The following APBA2 variants were observed in gnomAD, a reference collection of about 807,000 sequenced individuals.
APBA2 encodes the protein amyloid-beta A4 precursor protein-binding family A member 2.
A neutral mutation model predicts 75.0 loss-of-function variants in APBA2; 30 were observed. The ratio of observed to expected loss-of-function variants is 0.40; its 90% CI spans 0.30 to 0.54. APBA2 has a LOEUF of 0.54. APBA2 is among the 20% of genes least tolerant of loss of function. The pLI is 0.49. For synonymous variants in APBA2, 444 were observed against 409.6 expected, an observed-to-expected ratio of 1.08 and a Z score of -1.01; for missense variants, 801 against 1,016.1, an observed-to-expected ratio of 0.79 and a Z score of 2.88.
chr15:29,036,953 G>T (rs1008006648), intron 3 of APBA2, among the ~76,000 whole-genome samples: 27 of 151,894 alleles, frequency 1.8e-4, no homozygotes, highest in African/African-American at 6.5e-4. Context: ...CTGGGAGGTG[G>T]AGGTTGCAGT....
At chr15:29,038,406 G>A (rs1323118749) in intron 3 of APBA2, among the ~76,000 whole-genome samples, 4 of 152,174 alleles carry the variant, frequency 2.6e-5, no homozygotes, top group Admixed American at 2.0e-4. Flanking sequence ...TCCTTGAATG[G>A]TTAGCTTTTG....
intron 1 of APBA2, among the ~76,000 whole-genome samples, chr15:28,903,199 T>G (rs1320771000): frequency 6.6e-6 from 1 of 152,206 alleles, no homozygotes; most frequent in Non-Finnish European, 1.5e-5. Context: ...GAATATGTCC[T>G]GTGATACTTG....
chr15:29,076,631 G>A (rs2042864621), intron 6 of APBA2, among the ~76,000 whole-genome samples: 1 of 152,068 alleles, frequency 6.6e-6, no homozygotes, highest in South Asian at 2.1e-4. Context: ...ACCTTGCAGG[G>A]CCCCTGTAGG....
At chr15:29,092,876 T>C (rs1337799165) in intron 6 of APBA2, among the ~76,000 whole-genome samples, 199 bp from the exon 7 acceptor site, 1 of 152,332 alleles carries the variant, frequency 6.6e-6, no homozygotes, top group Non-Finnish European at 1.5e-5. Flanking sequence ...AGTGTTGATT[T>C]CGCGCAGTTA....
intron 2 of APBA2, among the ~76,000 whole-genome samples, chr15:28,974,978 T>C (rs1481343557): frequency 6.6e-6 from 1 of 151,872 alleles, no homozygotes; most frequent in Non-Finnish European, 1.5e-5. Flanking sequence ...AGAAAAAGAA[T>C]CAAGTGGACA....
chr15:28,931,943 G>A (rs2034586276), intron 2 of APBA2, among the ~76,000 whole-genome samples: 1 of 152,216 alleles, frequency 6.6e-6, no homozygotes, highest in Admixed American at 6.5e-5. Flanking sequence ...TGGCCTGGCA[G>A]AGGGGCATCC....
chr15:28,958,816 CTT>C (rs370050186), intron 2 of APBA2, among the ~76,000 whole-genome samples: 2 of 148,082 alleles, frequency 1.4e-5, no homozygotes, highest in African/African-American at 2.5e-5. Context: ...TTATTCCCAA[CTT>C]TTTTTTTTTT....
chr15:28,894,738 A>G (rs909555363), intron 1 of APBA2, among the ~76,000 whole-genome samples: 32 of 152,214 alleles, frequency 2.1e-4, no homozygotes, highest in South Asian at 2.1e-4. Context: ...AGCGAACTCT[A>G]GGAGAGTGAT....
chr15:29,005,442 A>G (rs969495167), intron 3 of APBA2, among the ~76,000 whole-genome samples: 4 of 152,100 alleles, frequency 2.6e-5, no homozygotes, highest in Non-Finnish European at 5.9e-5. Flanking sequence ...TAAATTTTTA[A>G]TTAGAGACAG....
At chr15:29,104,686 G>T (rs1363956579) in intron 10 of APBA2, among the ~76,000 whole-genome samples, 2 of 152,244 alleles carry the variant, frequency 1.3e-5, no homozygotes, top group Non-Finnish European at 1.5e-5. Context: ...TGGGCACTGG[G>T]TTCTGTTGCT....
At chr15:29,059,543 T>C (rs1447186275) in intron 4 of APBA2, among the ~76,000 whole-genome samples, 1 of 152,202 alleles carries the variant, frequency 6.6e-6, no homozygotes, top group Non-Finnish European at 1.5e-5. Context: ...AGGGAAATGT[T>C]AAACTCTTCT....
At chr15:29,112,825 A>G (rs542033194) in intron 13 of APBA2, among the ~76,000 whole-genome samples, 181 of 152,150 alleles carry the variant, frequency 1.2e-3, no homozygotes, top group African/African-American at 3.7e-3. Context: ...CTCCTCCCCA[A>G]CAGGAACTTT....
At chr15:29,116,984 C>T (rs1179682342) in intron 14 of APBA2, 78 bp from the exon 15 acceptor site, 2 of 1,475,246 alleles carry the variant, frequency 1.4e-6, no homozygotes, top group Non-Finnish European at 1.9e-6. Flanking sequence ...GGGGGGTTTG[C>T]CTCTGTCCTT....
chr15:29,037,165 T>C (rs1273169733), intron 3 of APBA2, among the ~76,000 whole-genome samples: 1 of 152,254 alleles, frequency 6.6e-6, no homozygotes, highest in African/African-American at 2.4e-5. Context: ...ATTCAGAAGA[T>C]AATCATTTAT....
intron 2 of APBA2, among the ~76,000 whole-genome samples, chr15:28,923,885 G>T (rs1203594199): frequency 6.6e-6 from 1 of 152,212 alleles, no homozygotes; most frequent in Non-Finnish European, 1.5e-5. Context: ...GCCCCCCCGG[G>T]GCTCCTCATC....
intron 1 of APBA2, among the ~76,000 whole-genome samples, chr15:28,905,382 C>T (rs1424559567): frequency 1.3e-5 from 2 of 152,156 alleles, no homozygotes; most frequent in African/African-American, 2.4e-5. Context: ...ATTTTCTATG[C>T]GTGGAAGCAA....
intron 2 of APBA2, among the ~76,000 whole-genome samples, chr15:28,927,600 A>AT (rs2034340602): frequency 1.3e-5 from 2 of 149,340 alleles, no homozygotes; most frequent in Non-Finnish European, 3.0e-5. Context: ...TTTTATTTTT[A>AT]TTTTTTTGTA....
intron 10 of APBA2, among the ~76,000 whole-genome samples, chr15:29,104,266 G>C (rs369524579): frequency 6.6e-6 from 1 of 152,360 alleles, no homozygotes; most frequent in African/African-American, 2.4e-5. Flanking sequence ...GGGGAGGCAC[G>C]TGAGGAGCAG....
chr15:28,907,384 TG>T (rs1250208227), intron 1 of APBA2, among the ~76,000 whole-genome samples: 2 of 152,262 alleles, frequency 1.3e-5, no homozygotes. Context: ...CTGTGGCTTT[TG>T]GTAAGACTTT....
Sources: gnomAD v4.1 joint callset for allele counts (sites outside exome capture counted in the v4.1 genomes callset) on GRCh38, gnomAD v4.1.1 for gene constraint, MANE v1.5 for transcripts, NCBI Gene and HGNC (gene_info 2026-07-23, HGNC 2026-07-21) for gene names.